Variants in DOCK1 observed in about 807,000 individuals in gnomAD.
DOCK1 encodes the protein dedicator of cytokinesis protein 1.
Under a neutral mutation model 262.7 loss-of-function variants are expected in DOCK1, and 138 were observed. The ratio of observed to expected loss-of-function variants is 0.53; its 90% CI spans 0.46 to 0.61. The LOEUF is 0.61. Ranked by LOEUF, DOCK1 falls within the 20% of genes least tolerant of loss-of-function variation. DOCK1 has a pLI of 0.00. For synonymous variants in DOCK1, 866 were observed against 867.4 expected (o/e 1.00, Z 0.03); for missense variants, 1,908 against 2,370.7 (o/e 0.80, Z 4.05).
Position 127,220,853 on chromosome 10 carries a change from A to G in DOCK1, c.2848-27155A>G, listed in dbSNP as rs1361473303. The stretch of plus-strand genomic sequence containing the variant: ...CTCTGCTTATAGATTTATTTCCTAA[A>G]CAAGTGCTGTTAAATGGCCTCCACT... On this transcript the variant is annotated intron_variant, in intron 27 of 51. Coordinates refer to ENST00000623213, the MANE Select transcript of DOCK1 (RefSeq NM_001290223.2). Among the ~76,000 whole-genome samples, 5 of 152,070 alleles carry G rather than the reference A, an allele frequency of 3.3e-5. 1 individual carries two copies. The highest frequency in any genetic ancestry group is 7.4e-5 in the Non-Finnish European group (5 of 68,014).
intron 25 of DOCK1, among the ~76,000 whole-genome samples, chr10:127,120,213 C>CA (rs1417716256): frequency 6.6e-6 from 1 of 152,200 alleles, no homozygotes; most frequent in Non-Finnish European, 1.5e-5. Context: ...GTCCTGGAGT[C>CA]ACGTACGTGT....
At chr10:127,355,831 G>A (rs574508484) in intron 32 of DOCK1, among the ~76,000 whole-genome samples, 11 of 152,342 alleles carry the variant, frequency 7.2e-5, no homozygotes, top group African/African-American at 1.9e-4. Flanking sequence ...AGAACCCAGC[G>A]AGCCACGCTT....
chr10:127,434,416 C>T (rs1171720071), intron 48 of DOCK1, among the ~76,000 whole-genome samples: 1 of 152,132 alleles, frequency 6.6e-6, no homozygotes, highest in Non-Finnish European at 1.5e-5. Context: ...TCACTGCAGC[C>T]TCCACTTCCC....
chr10:127,387,095 G>A (rs7895721), intron 38 of DOCK1, among the ~76,000 whole-genome samples: 12,649 of 152,294 alleles, frequency 0.083, 625 homozygotes, highest in African/African-American at 0.14. Context: ...GAGGGCCAGA[G>A]GTCACGGGAC....
chr10:127,222,139 G>A (rs1395709933), intron 27 of DOCK1, among the ~76,000 whole-genome samples: 1 of 152,162 alleles, frequency 6.6e-6, no homozygotes, highest in African/African-American at 2.4e-5. Context: ...AGTCTTTAAA[G>A]GCTCACATGT....
chr10:127,196,633 C>A (rs2057180501), intron 27 of DOCK1, among the ~76,000 whole-genome samples: 1 of 80,592 alleles, frequency 1.2e-5, no homozygotes. Flanking sequence ...GGCGCGGGGC[C>A]GGGCCGGGCC....
intron 48 of DOCK1, among the ~76,000 whole-genome samples, chr10:127,436,404 G>C (rs575591482): frequency 4.2e-4 from 64 of 152,268 alleles, no homozygotes; most frequent in Non-Finnish European, 6.9e-4. Context: ...TGTAGTCTCA[G>C]CTACCTGGGA....
At chr10:127,431,673 CTG>C (rs1345863648) in intron 47 of DOCK1, among the ~76,000 whole-genome samples, 2 of 152,240 alleles carry the variant, frequency 1.3e-5, no homozygotes, top group Non-Finnish European at 2.9e-5. Context: ...GGTCAGCAAA[CTG>C]TGGCCCCTGG....
chr10:127,316,181 T>G (rs190406057), intron 29 of DOCK1, among the ~76,000 whole-genome samples: 2 of 152,302 alleles, frequency 1.3e-5, no homozygotes, highest in East Asian at 3.9e-4. Context: ...GCACCTAAAA[T>G]TTACTCACGT....
intron 22 of DOCK1, 119 bp downstream of exon 22, chr10:127,052,934 C>A (rs962081651): frequency 6.9e-7 from 1 of 1,449,622 alleles, no homozygotes; most frequent in Admixed American, 2.3e-5. Context: ...CCTTTTTCCC[C>A]CTTGCTTTCT....
At chr10:126,996,657 T>C in intron 6 of DOCK1, 91 bp from the exon 7 acceptor site, 1 of 1,336,462 alleles carries the variant, frequency 7.5e-7, no homozygotes. Flanking sequence ...AGGTTGTTTT[T>C]ACCTGCCCAG....
chr10:127,361,394 G>A (rs376493076), intron 32 of DOCK1, among the ~76,000 whole-genome samples: 47 of 152,240 alleles, frequency 3.1e-4, no homozygotes, highest in Admixed American at 1.1e-3. Context: ...GATTACAGGC[G>A]TGAGCCACCA....
intron 23 of DOCK1, among the ~76,000 whole-genome samples, chr10:127,064,857 C>T (rs1410887479): frequency 6.6e-6 from 1 of 152,220 alleles, no homozygotes; most frequent in East Asian, 1.9e-4. Flanking sequence ...AGAACTTTTA[C>T]GTCTTTCCAA....
chr10:126,950,084 A>G (rs1340149624), intron 1 of DOCK1, among the ~76,000 whole-genome samples: 1 of 152,008 alleles, frequency 6.6e-6, no homozygotes, highest in Non-Finnish European at 1.5e-5. Context: ...TGAAATGGGA[A>G]TGAGTAGTAA....
At chr10:127,295,497 C>T (rs910889875) in intron 29 of DOCK1, among the ~76,000 whole-genome samples, 1 of 152,172 alleles carries the variant, frequency 6.6e-6, no homozygotes, top group South Asian at 2.1e-4. Context: ...GACAAAACGT[C>T]CAAACCATAT....
intron 29 of DOCK1, among the ~76,000 whole-genome samples, chr10:127,299,288 G>C (rs902811515): frequency 6.6e-6 from 1 of 152,190 alleles, no homozygotes. Context: ...TATTTTGGTA[G>C]ATACAGGGTT....
intron 27 of DOCK1, among the ~76,000 whole-genome samples, chr10:127,202,884 G>A (rs2057535644): frequency 6.6e-6 from 1 of 152,174 alleles, no homozygotes; most frequent in Admixed American, 6.5e-5. Flanking sequence ...GCAACCAGAG[G>A]ACAGATTCTG....
At chr10:127,036,843 G>A (rs975276190) in intron 18 of DOCK1, among the ~76,000 whole-genome samples, 1 of 151,964 alleles carries the variant, frequency 6.6e-6, no homozygotes. Context: ...TGGGTGTGGT[G>A]GCGGGCGCCT....
Position 127,012,134 on chromosome 10 carries a change from C to T in DOCK1, c.1059-98C>T, listed in dbSNP as rs2041502461. ...TGACTCATGATGCCTCCCTCTCGCA[C>T]TCGGTGACGATGATCTCTTATGTTC... is the stretch of plus-strand genomic sequence containing the variant. On this transcript the variant is annotated intron_variant, in intron 11 of 51. Coordinates refer to ENST00000623213, the MANE Select transcript of DOCK1 (RefSeq NM_001290223.2). This position sits in a 1 kb window ranked among gnomAD's most constrained non-coding sequence, Gnocchi z 4.0. The T allele has an allele frequency of 1.5e-6, 1 of 676,842 alleles. No homozygotes were observed. Among genetic ancestry groups the T allele is most frequent in the Non-Finnish European group, 2.7e-6 (1 of 372,254 alleles). 41.9% of individuals were successfully genotyped at this position (676,842 alleles called of 1,614,324 possible). A position where few individuals can be genotyped will look rare whatever the true frequency, so the allele number is the denominator to read the frequency against.
Sources: gnomAD v4.1 joint callset for allele counts (sites outside exome capture counted in the v4.1 genomes callset) on GRCh38, gnomAD v4.1.1 for gene constraint, Gnocchi (gnomAD v3.1) non-coding constraint, MANE v1.5 for transcripts, NCBI Gene and HGNC (gene_info 2026-07-23, HGNC 2026-07-21) for gene names.